TBCD: variants seen among roughly 807,000 people sequenced by gnomAD.
TBCD encodes the protein tubulin-specific chaperone D.
Under a neutral mutation model 169.3 loss-of-function variants are expected in TBCD, and 105 were observed. The ratio of observed to expected loss-of-function variants is 0.62; its 90% CI spans 0.53 to 0.73. The LOEUF is 0.73. Ranked by LOEUF, TBCD falls within the 30% of genes least tolerant of loss-of-function variation. The pLI is 0.00. For synonymous variants in TBCD, 700 were observed against 643.9 expected (o/e 1.09, Z -1.32); for missense variants, 1,444 against 1,600.1 (o/e 0.90, Z 1.66).
At chr17:82,897,468 A>C (rs2059566580) in intron 17 of TBCD, among the ~76,000 whole-genome samples, 1 of 151,660 alleles carries the variant, frequency 6.6e-6, no homozygotes, top group African/African-American at 2.4e-5. Flanking sequence ...CAGTGAGCCG[A>C]AATCGCGCCA....
chr17:82,876,195 G>A (rs912202526), intron 14 of TBCD, among the ~76,000 whole-genome samples: 2 of 152,182 alleles, frequency 1.3e-5, no homozygotes, highest in Non-Finnish European at 2.9e-5. Context: ...AAGTCGAGGC[G>A]TGCACTTCCC....
intron 9 of TBCD, among the ~76,000 whole-genome samples, chr17:82,805,051 C>T (rs778190321): frequency 1.3e-5 from 2 of 152,216 alleles, no homozygotes; most frequent in African/African-American, 4.8e-5. Flanking sequence ...TGCATGAGAC[C>T]GGGGAAGCAG....
In TBCD at chr17:82,920,749, G is replaced by A. The variant is rs2061371302; in HGVS notation, c.2101+131G>A. 2 of 885,248 alleles carry A rather than the reference G, an allele frequency of 2.3e-6. No homozygotes were observed. The highest frequency in any genetic ancestry group is 1.6e-5 in the South Asian group (1 of 60,754). 54.8% of individuals were successfully genotyped at this position (885,248 alleles called of 1,614,324 possible). Reference sequence around the variant, plus strand: ...AAGGTTCAAGATATTAATCGGATACGTTGCCTTGAAGTTGTTACAAGAACC... The same window carrying A: ...AAGGTTCAAGATATTAATCGGATACATTGCCTTGAAGTTGTTACAAGAACC... On this transcript the variant is annotated intron_variant, in intron 24 of 38. Coordinates refer to ENST00000355528, the MANE Select transcript of TBCD (RefSeq NM_005993.5). The surrounding 1 kb of genome is among the most constrained non-coding windows in gnomAD (Gnocchi z 4.1).
intron 37 of TBCD, among the ~76,000 whole-genome samples, chr17:82,940,217 G>GCACACA (rs576338657): frequency 4.2e-4 from 43 of 101,448 alleles, no homozygotes; most frequent in African/African-American, 1.5e-3. Context: ...TCACTTGCAC[G>GCACACA]CGCGCACACA....
chr17:82,901,692 C>G (rs1481281060), intron 18 of TBCD, among the ~76,000 whole-genome samples: 1 of 152,126 alleles, frequency 6.6e-6, no homozygotes, highest in African/African-American at 2.4e-5. Context: ...CGGCTGCCTA[C>G]TGTGGTCCAG....
At chr17:82,830,432 CGCT>C in intron 13 of TBCD, 1 of 1,611,792 alleles carries the variant, frequency 6.2e-7, no homozygotes, top group Non-Finnish European at 8.5e-7. Flanking sequence ...TTCTGCTCCT[CGCT>C]GCTGTCCACC....
intron 13 of TBCD, among the ~76,000 whole-genome samples, chr17:82,828,932 G>A (rs2053210821): frequency 6.9e-6 from 1 of 145,332 alleles, no homozygotes; most frequent in Admixed American, 6.8e-5. Flanking sequence ...ACACAGTCGA[G>A]TGTGCATGCC....
Position 82,889,581 on chromosome 17 carries a change from C to T in TBCD, c.1534-87C>T. On this transcript the variant is annotated intron_variant, in intron 15 of 38. Coordinates refer to ENST00000355528, the MANE Select transcript of TBCD (RefSeq NM_005993.5). The surrounding 1 kb of genome is among the most constrained non-coding windows in gnomAD (Gnocchi z 5.3). ...TTAAAAAATAAAGCCGTGGGTCATT[C>T]ACGTTGTGCTGTTTGTTCTGAACTT... 6.6e-7 allele frequency: 1 copy of T among 1,523,976 alleles called. No homozygotes were observed. Among genetic ancestry groups the T allele is most frequent in the Non-Finnish European group, 9.1e-7 (1 of 1,102,678 alleles). The allele number at this position is 1,523,976 out of a possible 1,614,324, so 94.4% of individuals were successfully genotyped here.
At chr17:82,762,902 G>A (rs2047838847) in intron 2 of TBCD, among the ~76,000 whole-genome samples, 1 of 152,166 alleles carries the variant, frequency 6.6e-6, no homozygotes, top group African/African-American at 2.4e-5. Flanking sequence ...TTCAGGGAGT[G>A]TATCTCGTTG....
At chr17:82,752,934 G>C (rs1001255667) in intron 1 of TBCD, among the ~76,000 whole-genome samples, 4 of 152,216 alleles carry the variant, frequency 2.6e-5, no homozygotes, top group African/African-American at 9.6e-5. Flanking sequence ...GCCGTGGACA[G>C]AGCGGGCTGG....
chr17:82,784,889 G>A (rs1255407125), intron 7 of TBCD, among the ~76,000 whole-genome samples: 1 of 152,268 alleles, frequency 6.6e-6, no homozygotes, highest in Admixed American at 6.5e-5. Flanking sequence ...CAGTGGGAAA[G>A]GGGTACGTGC....
At chr17:82,907,846 C>A in intron 21 of TBCD, 25 bp downstream of exon 21, 1 of 1,609,878 alleles carries the variant, frequency 6.2e-7, no homozygotes, top group Non-Finnish European at 8.5e-7. Flanking sequence ...TCTGGGTGTA[C>A]CCTCAGGAGG....
At chr17:82,907,657 C>G (rs1006041235) in intron 20 of TBCD, 104 bp from the exon 21 acceptor site, 2 of 1,292,262 alleles carry the variant, frequency 1.5e-6, no homozygotes, top group African/African-American at 1.5e-5. Context: ...TCCGAGTGTA[C>G]TTGGGGTTAG....
intron 2 of TBCD, among the ~76,000 whole-genome samples, chr17:82,757,102 G>A (rs982667306): frequency 6.6e-6 from 1 of 152,184 alleles, no homozygotes; most frequent in Non-Finnish European, 1.5e-5. Context: ...GAGGAAGGTG[G>A]CAATAGTCAC....
At chr17:82,908,080 C>T (rs1280897847) in intron 21 of TBCD, among the ~76,000 whole-genome samples, 1 of 152,238 alleles carries the variant, frequency 6.6e-6, no homozygotes, top group Non-Finnish European at 1.5e-5. Context: ...TTTCTGTGCA[C>T]GTAGCCAGCA....
At chr17:82,844,853 C>T (rs1051557659) in intron 13 of TBCD, among the ~76,000 whole-genome samples, 7 of 152,138 alleles carry the variant, frequency 4.6e-5, no homozygotes, top group Non-Finnish European at 7.4e-5. Context: ...TGTGGGGCAC[C>T]GTGCCAGGTG....
intron 13 of TBCD, among the ~76,000 whole-genome samples, chr17:82,821,723 C>T (rs2052430604): frequency 6.6e-6 from 1 of 152,116 alleles, no homozygotes; most frequent in Admixed American, 6.5e-5. Flanking sequence ...TTCTAACCTT[C>T]CTGCAACTTT....
rs1256569139 is a variant in TBCD, at chr17:82,890,018, C to T, written c.1563+321C>T. Among the ~76,000 whole-genome samples, 1 of 152,228 alleles carries T rather than the reference C, an allele frequency of 6.6e-6. No individual in the cohort carries two copies. On this transcript the variant is annotated intron_variant, in intron 16 of 38. Coordinates refer to ENST00000355528, the MANE Select transcript of TBCD (RefSeq NM_005993.5). This position sits in a 1 kb window ranked among gnomAD's most constrained non-coding sequence, Gnocchi z 5.3. ...CCTTGCGGGGACGCAGACCTGACCC[C>T]GCCTCATCCCACACAGAGCAGGAGC...
At position 82,805,995 on chromosome 17, in the gene TBCD, G is replaced by A. The variant is rs1225380487; in HGVS notation, c.1071G>A (p.Gly357=). 6.2e-7 allele frequency: 1 copy of A among 1,613,604 alleles called. No homozygotes were observed. Among genetic ancestry groups the A allele is most frequent in the African/African-American group, 1.3e-5 (1 of 74,922 alleles). ...ACGAAGATGACGACGTCCCAGAGGG[G>A]GTGGAGCGTGTGATAGGTGCGTGGG... ...DDDEDDDVPE[G]VERVIEQLLV... is the part of the protein sequence containing the mutation. Residue 357 remains glycine (G), a synonymous_variant, in exon 10 of 39, where the codon GGG becomes GGA. Coordinates refer to ENST00000355528, the MANE Select transcript of TBCD (RefSeq NM_005993.5).
Sources: allele counts gnomAD v4.1 joint callset (sites outside exome capture counted in the v4.1 genomes callset), GRCh38; gene constraint gnomAD v4.1.1; non-coding constraint Gnocchi (gnomAD v3.1); transcripts MANE v1.5; gene names NCBI Gene and HGNC (gene_info 2026-07-23, HGNC 2026-07-21).